ABCG8: variants seen among roughly 807,000 people sequenced by gnomAD.
ABCG8 encodes ATP-binding cassette sub-family G member 8.
Under a neutral mutation model 71.3 loss-of-function variants are expected in ABCG8, and 81 were observed. That is an observed-to-expected ratio of 1.14 (90% CI 0.95 to 1.37). The LOEUF (loss-of-function observed/expected upper bound fraction) is 1.37. ABCG8 is among the 40% of genes most tolerant of loss of function. The probability of loss-of-function intolerance (pLI) is 0.00; values close to 1 mark genes in which losing one functional copy is unlikely to be tolerated. For synonymous variants in ABCG8, 451 were observed against 354.7 expected (o/e 1.27, Z -3.05); for missense variants, 1,119 against 866.2 (o/e 1.29, Z -3.66).
At position 43,851,575 on chromosome 2, in the gene ABCG8, G is replaced by T. The variant is rs944536857; in HGVS notation, c.323-9G>T. The T allele has an allele frequency of 6.2e-7, 1 of 1,614,052 alleles. No homozygotes were observed. The highest frequency in any genetic ancestry group is 1.3e-5 in the African/African-American group (1 of 74,938). Reference sequence around the variant, plus strand: ...TCCGCTCTCAGGGATATCCCTGGTGGCTTTGCAGGTTGTGGGAGAGCCTCC... The same window carrying T: ...TCCGCTCTCAGGGATATCCCTGGTGTCTTTGCAGGTTGTGGGAGAGCCTCC... On this transcript the variant is annotated splice_polypyrimidine_tract_variant and intron_variant, in intron 3 of 12. Coordinates refer to ENST00000272286, the MANE Select transcript of ABCG8 (RefSeq NM_022437.3).
intron 1 of ABCG8, among the ~76,000 whole-genome samples, chr2:43,842,980 C>T (rs992401499): frequency 6.6e-6 from 1 of 152,210 alleles, no homozygotes; most frequent in Non-Finnish European, 1.5e-5. Flanking sequence ...TGGCCCCCAT[C>T]ATTGCAGGGG....
intron 6 of ABCG8, among the ~76,000 whole-genome samples, chr2:43,867,680 T>C (rs1669579805): frequency 6.6e-6 from 1 of 150,416 alleles, no homozygotes; most frequent in African/African-American, 2.5e-5. Context: ...TCTCACTATC[T>C]GTCTGGATAG....
rs114614034 is a variant in ABCG8 at position 43,880,726 on chromosome 2, C to T, written c.*2813C>T. The T allele has an allele frequency of 0.038, 5,715 of 152,374 alleles. 154 individuals carry two copies. Among genetic ancestry groups the T allele is most frequent in the South Asian group, 0.086 (417 of 4,832 alleles). The allele number at this position is 152,374 out of a possible 1,614,324, so 9.4% of individuals were successfully genotyped here. ...AGTACACATGAGTTTACTCTGATAA[C>T]ATCCATTTCCAATCCAGCATCACAG... On this transcript the variant is annotated 3_prime_UTR_variant, in exon 13 of 13. Coordinates refer to ENST00000272286, the MANE Select transcript of ABCG8 (RefSeq NM_022437.3).
rs142250628 is a variant in ABCG8 at position 43,844,597 on chromosome 2, C to T, written c.154C>T (p.Leu52Phe). 1.2e-6 allele frequency: 2 copies of T among 1,613,682 alleles called. No individual in the cohort carries two copies. Among genetic ancestry groups the T allele is most frequent in the Admixed American group, 1.7e-5 (1 of 60,008 alleles). ...GCCCAACACCCTGGAGGTCAGAGAC[C>T]TCAACTACCAGGTAGAGGCACGCCT... ...GQPNTLEVRDLNYQVDLASQV... is the reference protein window; with the variant it reads ...GQPNTLEVRDFNYQVDLASQV... Residue 52 changes from leucine (L) to phenylalanine (F), a missense_variant, in exon 2 of 13, where the codon CTC (leucine) becomes TTC (phenylalanine). Physicochemically the swap from Leu to Phe is conservative, Grantham distance 22. Transcript: ENST00000272286.
chr2:43,857,003 C>G (rs1183147603), intron 6 of ABCG8, among the ~76,000 whole-genome samples: 7 of 151,954 alleles, frequency 4.6e-5, no homozygotes, highest in Admixed American at 3.3e-4. Context: ...AGAACTCGCA[C>G]TATCTACCTG....
chr2:43,866,108 T>A (rs1460734785), intron 6 of ABCG8, among the ~76,000 whole-genome samples: 2 of 152,050 alleles, frequency 1.3e-5, no homozygotes, highest in Non-Finnish European at 2.9e-5. Flanking sequence ...GATTCCCTAT[T>A]TAATAAATGG....
chr2:43,864,303 T>C (rs1669442579), intron 6 of ABCG8, among the ~76,000 whole-genome samples: 1 of 151,694 alleles, frequency 6.6e-6, no homozygotes, highest in Non-Finnish European at 1.5e-5. Flanking sequence ...ACCATATGGA[T>C]AGAATTCTCA....
intron 6 of ABCG8, among the ~76,000 whole-genome samples, chr2:43,870,231 C>T (rs1558846446): frequency 6.6e-6 from 1 of 151,944 alleles, no homozygotes; most frequent in African/African-American, 2.4e-5. Context: ...ATATAATCCT[C>T]ACTCTCTGGA....
At chr2:43,844,237 C>T (rs573960014) in intron 1 of ABCG8, among the ~76,000 whole-genome samples, 36 of 152,246 alleles carry the variant, frequency 2.4e-4, no homozygotes, top group Admixed American at 1.2e-3. Context: ...TGGCTTCAGG[C>T]TCCACCAGCC....
chr2:43,846,114 C>G (rs750580092), intron 2 of ABCG8, 41 bp from the exon 3 acceptor site: 2 of 1,610,586 alleles, frequency 1.2e-6, no homozygotes, highest in Non-Finnish European at 1.7e-6. Flanking sequence ...GCCCTCTGAA[C>G]CATTCAGCTC....
chr2:43,839,403 C>CAT (rs1668482858), intron 1 of ABCG8, among the ~76,000 whole-genome samples: 1 of 59,296 alleles, frequency 1.7e-5, no homozygotes, highest in African/African-American at 5.8e-5. Context: ...CTTTTCTTCT[C>CAT]TTTTTTTTTT....
At chr2:43,873,579 A>G (rs1479455530) in intron 8 of ABCG8, among the ~76,000 whole-genome samples, 1 of 152,126 alleles carries the variant, frequency 6.6e-6, no homozygotes, top group African/African-American at 2.4e-5. Context: ...TTCATGATAA[A>G]AGTAACAATC....
chr2:43,872,438 C>A, intron 8 of ABCG8, 132 bp downstream of exon 8: 1 of 1,086,886 alleles, frequency 9.2e-7, no homozygotes, highest in Non-Finnish European at 1.4e-6. Context: ...AAACAGCATC[C>A]AGCAGGGCGT....
intron 2 of ABCG8, among the ~76,000 whole-genome samples, chr2:43,845,404 C>A (rs1004715499): frequency 1.3e-5 from 2 of 152,024 alleles, no homozygotes; most frequent in African/African-American, 4.8e-5. Context: ...TGCTTAACTG[C>A]CCTGAGCCTC....
chr2:43,869,799 C>CTGGATAGA (rs1255591789), intron 6 of ABCG8, among the ~76,000 whole-genome samples: 3 of 152,128 alleles, frequency 2.0e-5, no homozygotes, highest in Non-Finnish European at 4.4e-5. Flanking sequence ...CTCTCACTAT[C>CTGGATAGA]TGGATAGAAT....
At chr2:43,868,538 A>G (rs1669617126) in intron 6 of ABCG8, among the ~76,000 whole-genome samples, 1 of 151,844 alleles carries the variant, frequency 6.6e-6, no homozygotes, top group Non-Finnish European at 1.5e-5. Flanking sequence ...AATATTCACT[A>G]TCTGTCTGGA....
chr2:43,882,524 A>G lies in ABCG8; in HGVS notation c.*4611A>G, dbSNP rs1409687478. 1 of 152,244 alleles carries G rather than the reference A, an allele frequency of 6.6e-6. No individual in the cohort carries two copies. The highest frequency in any genetic ancestry group is 1.5e-5 in the Non-Finnish European group (1 of 68,048). 9.4% of individuals were successfully genotyped at this position (152,244 alleles called of 1,614,324 possible). On this transcript the variant is annotated 3_prime_UTR_variant, in exon 13 of 13. Transcript: ENST00000272286. ...TTTGCTTGTTTGCAAAATATATCCA[A>G]TGCTCACACCTGAGAGACAACAGAC...
At chr2:43,875,542 G>A in intron 11 of ABCG8, 129 bp downstream of exon 11, 1 of 1,244,448 alleles carries the variant, frequency 8.0e-7, no homozygotes, top group South Asian at 1.5e-5. Flanking sequence ...TGGAAGCAGA[G>A]GCCTTTGCCC....
At chr2:43,846,065 C>T in intron 2 of ABCG8, 90 bp from the exon 3 acceptor site, 1 of 1,422,880 alleles carries the variant, frequency 7.0e-7, no homozygotes, top group Non-Finnish European at 9.9e-7. Flanking sequence ...TGGAGAGGGG[C>T]CACCTGGGGA....
Sources: gnomAD v4.1 joint callset for allele counts (sites outside exome capture counted in the v4.1 genomes callset) on GRCh38, gnomAD v4.1.1 for gene constraint, MANE v1.5 for transcripts, NCBI Gene and HGNC (gene_info 2026-07-23, HGNC 2026-07-21) for gene names.